Variants in CCNY observed in about 807,000 individuals in gnomAD.
The protein encoded by CCNY is cyclin Y, also known as cyclin-Y.
A neutral mutation model predicts 42.8 loss-of-function variants in CCNY; 19 were observed. The ratio of observed to expected loss-of-function variants is 0.44; its 90% CI spans 0.31 to 0.65. CCNY has a LOEUF of 0.65. Ranked by LOEUF, CCNY falls within the 30% of genes least tolerant of loss-of-function variation. The probability of loss-of-function intolerance (pLI) is 0.07; values close to 1 mark genes in which losing one functional copy is unlikely to be tolerated. For missense variants in CCNY, 370 were observed against 437.3 expected (o/e 0.85, Z 1.37); for synonymous variants, 165 against 162.7 (o/e 1.01, Z -0.11).
intron 3 of CCNY, chr10:35,314,456 C>T (rs1357543492): frequency 6.6e-6 from 1 of 151,858 alleles, no homozygotes; most frequent in Non-Finnish European, 1.5e-5. Flanking sequence ...CAATTATCTC[C>T]CACAGGGTCC....
intron 8 of CCNY, among the ~76,000 whole-genome samples, chr10:35,559,145 A>G (rs1374081844): frequency 1.3e-5 from 2 of 152,240 alleles, no homozygotes; most frequent in African/African-American, 4.8e-5. Context: ...GTCATCATGA[A>G]CAGAATGTTG....
At chr10:35,468,750 A>G (rs1176607028) in intron 1 of CCNY, among the ~76,000 whole-genome samples, 1 of 152,114 alleles carries the variant, frequency 6.6e-6, no homozygotes, top group African/African-American at 2.4e-5. Flanking sequence ...TAATTTGGCC[A>G]ATTTGGTGTG....
intron 3 of CCNY, among the ~76,000 whole-genome samples, chr10:35,291,878 G>T (rs1418948187): frequency 6.6e-6 from 1 of 152,068 alleles, no homozygotes. Flanking sequence ...TTTCTCTTGG[G>T]CATATATCTA....
chr10:35,499,594 A>G (rs936542170), intron 2 of CCNY, among the ~76,000 whole-genome samples: 2 of 152,318 alleles, frequency 1.3e-5, no homozygotes, highest in Middle Eastern at 3.4e-3. Context: ...GTACCCATAT[A>G]GGAAGTGCTG....
chr10:35,264,156 C>T (rs1487980332), intron 3 of CCNY, among the ~76,000 whole-genome samples: 1 of 152,130 alleles, frequency 6.6e-6, no homozygotes, highest in Non-Finnish European at 1.5e-5. Context: ...TGGCACGTAT[C>T]TTTATAATAG....
intron 1 of CCNY, among the ~76,000 whole-genome samples, chr10:35,375,763 A>G (rs1236539761): frequency 6.6e-6 from 1 of 152,180 alleles, no homozygotes; most frequent in Non-Finnish European, 1.5e-5. Flanking sequence ...AGTTGAGAGA[A>G]ATTGTGTCTA....
chr10:35,427,055 G>A (rs978116513), intron 1 of CCNY, among the ~76,000 whole-genome samples: 1 of 152,188 alleles, frequency 6.6e-6, no homozygotes, highest in African/African-American at 2.4e-5. Flanking sequence ...TTATACAGAG[G>A]AGAACTGAAA....
chr10:35,247,642 T>C (rs2095708978), intron 1 of CCNY, among the ~76,000 whole-genome samples: 1 of 151,174 alleles, frequency 6.6e-6, no homozygotes, highest in African/African-American at 2.4e-5. Flanking sequence ...TTTGGGAGGC[T>C]GAGGCGGGCG....
intron 1 of CCNY, among the ~76,000 whole-genome samples, chr10:35,437,453 G>C (rs547209291): frequency 6.6e-6 from 1 of 152,184 alleles, no homozygotes; most frequent in African/African-American, 2.4e-5. Context: ...CCAGGAGTTC[G>C]AGATCAGCTG....
intron 1 of CCNY, among the ~76,000 whole-genome samples, chr10:35,346,476 T>C (rs1836305578): frequency 1.3e-5 from 2 of 152,230 alleles, no homozygotes; most frequent in East Asian, 1.9e-4. Context: ...GTAAAGTCTC[T>C]TGATGACTCT....
At chr10:35,286,684 G>A (rs1190895373) in intron 3 of CCNY, among the ~76,000 whole-genome samples, 2 of 130,114 alleles carry the variant, frequency 1.5e-5, no homozygotes, top group South Asian at 2.5e-4. Context: ...TTGAGATGGA[G>A]TGTCTCGCTC....
chr10:35,408,356 A>G (rs997514566), intron 1 of CCNY, among the ~76,000 whole-genome samples: 5 of 152,198 alleles, frequency 3.3e-5, no homozygotes, highest in African/African-American at 9.7e-5. Flanking sequence ...AAGGCTGTTT[A>G]TTTCACCTGG....
intron 3 of CCNY, among the ~76,000 whole-genome samples, chr10:35,291,763 C>A (rs1835416684): frequency 1.3e-5 from 2 of 152,054 alleles, no homozygotes; most frequent in Admixed American, 1.3e-4. Flanking sequence ...TCTTGAACTC[C>A]TGACCTCATG....
At chr10:35,306,117 C>T (rs1449881652) in intron 3 of CCNY, among the ~76,000 whole-genome samples, 2 of 152,166 alleles carry the variant, frequency 1.3e-5, no homozygotes, top group African/African-American at 2.4e-5. Context: ...TCACTGCAGC[C>T]TCTGCCTCTC....
chr10:35,522,834 T>C (rs1206828645), intron 4 of CCNY, among the ~76,000 whole-genome samples: 1 of 152,198 alleles, frequency 6.6e-6, no homozygotes, highest in Non-Finnish European at 1.5e-5. Flanking sequence ...CAAAACTTTC[T>C]TGAACATACC....
intron 3 of CCNY, chr10:35,315,346 A>C (rs1248540755): frequency 2.0e-5 from 3 of 152,060 alleles, no homozygotes; most frequent in Non-Finnish European, 2.9e-5. Context: ...TCCCACTTAC[A>C]CATGAGAACA....
chr10:35,352,992 C>G (rs1443878425), intron 1 of CCNY, among the ~76,000 whole-genome samples: 1 of 152,176 alleles, frequency 6.6e-6, no homozygotes, highest in Admixed American at 6.5e-5. Context: ...GTGGTGAGAT[C>G]ATAGCTCACT....
chr10:35,517,617 A>G (rs1840456550), intron 4 of CCNY, among the ~76,000 whole-genome samples: 1 of 152,208 alleles, frequency 6.6e-6, no homozygotes, highest in Non-Finnish European at 1.5e-5. Flanking sequence ...TCTAGGCAGA[A>G]GGTGGAGGAC....
At chr10:35,288,881 T>C (rs1049371563) in intron 3 of CCNY, among the ~76,000 whole-genome samples, 7 of 152,354 alleles carry the variant, frequency 4.6e-5, no homozygotes, top group African/African-American at 1.7e-4. Flanking sequence ...AATCAGGCAG[T>C]GTAAAACCTC....
Sources: allele counts gnomAD v4.1 joint callset (sites outside exome capture counted in the v4.1 genomes callset), GRCh38; gene constraint gnomAD v4.1.1; transcripts MANE v1.5; gene names NCBI Gene and HGNC (gene_info 2026-07-23, HGNC 2026-07-21).